UNC13C: variants seen among roughly 807,000 people sequenced by gnomAD.
UNC13C encodes the protein unc-13 homolog C, also known as protein unc-13 homolog C.
Under a neutral mutation model 245.4 loss-of-function variants are expected in UNC13C, and 174 were observed. The ratio of observed to expected loss-of-function variants is 0.71; its 90% CI spans 0.63 to 0.80. The LOEUF (loss-of-function observed/expected upper bound fraction) is 0.80, where lower values mean the gene tolerates loss of function less well. UNC13C is among the 30% of genes least tolerant of loss of function. The probability of loss-of-function intolerance (pLI) is 0.00; values close to 1 mark genes in which losing one functional copy is unlikely to be tolerated. For missense variants in UNC13C, 2,829 were observed against 2,602.9 expected (o/e 1.09, Z -1.89); for synonymous variants, 992 against 895.1 (o/e 1.11, Z -1.93).
At chr15:54,093,646 G>A (rs1012285777) in intron 2 of UNC13C, among the ~76,000 whole-genome samples, 1 of 152,208 alleles carries the variant, frequency 6.6e-6, no homozygotes, top group African/African-American at 2.4e-5. Flanking sequence ...AGAGCCCTTG[G>A]AAAGTCACAT....
rs1304906690 is a variant in UNC13C, at chr15:54,264,368, A to C, written c.3649A>C (p.Lys1217Gln). Reference protein sequence around the residue: ...AKQSVLDGTSKWSAKITITVV... With the variant: ...AKQSVLDGTSQWSAKITITVV... ...ACAGAGTGTACTGGATGGGACATCT[A>C]AGTGGTCTGCAAAAATAACCATTAC... The change falls in exon 9 of 33, where the codon AAG (lysine) becomes CAG (glutamine). Residue 1217 changes from lysine (K) to glutamine (Q), a missense_variant. Coordinates refer to ENST00000260323, the MANE Select transcript of UNC13C (RefSeq NM_001080534.3). 2 of 1,600,986 alleles carry C rather than the reference A, an allele frequency of 1.2e-6. No homozygotes were observed. The highest frequency in any genetic ancestry group is 2.3e-5 in the South Asian group (2 of 88,482).
intron 1 of UNC13C, among the ~76,000 whole-genome samples, chr15:53,996,082 C>T (rs1894619597): frequency 6.6e-6 from 1 of 152,032 alleles, no homozygotes; most frequent in African/African-American, 2.4e-5. Context: ...AAGATGTGAG[C>T]AAAAGGAGAG....
chr15:54,620,653 G>A (rs951797334), intron 30 of UNC13C, among the ~76,000 whole-genome samples: 3 of 151,970 alleles, frequency 2.0e-5, no homozygotes, highest in African/African-American at 4.8e-5. Context: ...AGGCATGGCG[G>A]TCCATACTTC....
intron 19 of UNC13C, among the ~76,000 whole-genome samples, chr15:54,458,034 G>A (rs771568946): frequency 9.3e-5 from 14 of 150,980 alleles, no homozygotes; most frequent in African/African-American, 1.5e-4. Flanking sequence ...AGCTATTAAC[G>A]TTCCTTTAAG....
At chr15:54,235,288 G>A (rs188976422) in intron 5 of UNC13C, among the ~76,000 whole-genome samples, 180 bp downstream of exon 5, 127 of 152,222 alleles carry the variant, frequency 8.3e-4, no homozygotes, top group Non-Finnish European at 1.6e-3. Flanking sequence ...TTAGATGGAG[G>A]AGATAACTCA....
At chr15:54,107,374 C>A (rs1198328184) in intron 2 of UNC13C, among the ~76,000 whole-genome samples, 1 of 152,026 alleles carries the variant, frequency 6.6e-6, no homozygotes, top group Non-Finnish European at 1.5e-5. Context: ...AATTAAAAAG[C>A]ATTTATAAGC....
chr15:54,067,346 C>T (rs1898122454), intron 2 of UNC13C, among the ~76,000 whole-genome samples: 1 of 152,084 alleles, frequency 6.6e-6, no homozygotes, highest in African/African-American at 2.4e-5. Flanking sequence ...CAACACACTC[C>T]ACACCTAATT....
chr15:54,461,667 T>C (rs1891853536), intron 19 of UNC13C, among the ~76,000 whole-genome samples: 1 of 152,144 alleles, frequency 6.6e-6, no homozygotes, highest in Admixed American at 6.5e-5. Flanking sequence ...GACAATTGAG[T>C]CATTGAGTAA....
chr15:53,909,151 T>C, the UNC13C span, among the ~76,000 whole-genome samples: 1 of 146,818 alleles, frequency 6.8e-6, no homozygotes, highest in Non-Finnish European at 1.5e-5. Context: ...AAAGTCCTAC[T>C]CTTCAGAGAA....
chr15:53,856,531 T>C, the UNC13C span, among the ~76,000 whole-genome samples: 2 of 152,216 alleles, frequency 1.3e-5, no homozygotes, highest in Admixed American at 6.5e-5. Context: ...TCTTGATTTC[T>C]GCCTTAATTT....
upstream of UNC13C, among the ~76,000 whole-genome samples, chr15:53,976,477 C>CTCTCTTTTTTTTTTTT (rs1325952003): frequency 1.6e-5 from 1 of 63,024 alleles, no homozygotes. Context: ...CTCTCTCTCT[C>CTCTCTTTTTTTTTTTT]TTTTTTTTTT....
intron 10 of UNC13C, among the ~76,000 whole-genome samples, chr15:54,270,554 C>T (rs1272453203): frequency 1.3e-5 from 2 of 151,926 alleles, no homozygotes; most frequent in South Asian, 2.1e-4. Flanking sequence ...ATGATTATAT[C>T]TTTGTGCTGA....
At chr15:54,443,374 C>A (rs7183647) in intron 19 of UNC13C, among the ~76,000 whole-genome samples, 16 of 151,604 alleles carry the variant, frequency 1.1e-4, no homozygotes, top group African/African-American at 3.9e-4. Context: ...TTCATTGATC[C>A]TTTGTATTTT....
intron 4 of UNC13C, among the ~76,000 whole-genome samples, chr15:54,200,940 A>G (rs926467562): frequency 2.6e-5 from 4 of 152,104 alleles, no homozygotes; most frequent in African/African-American, 4.8e-5. Flanking sequence ...AACCAAGAAA[A>G]GAGAGAAGAT....
intron 14 of UNC13C, among the ~76,000 whole-genome samples, chr15:54,329,335 T>G (rs2448261): frequency 6.6e-6 from 1 of 152,138 alleles, no homozygotes; most frequent in Non-Finnish European, 1.5e-5. Context: ...CCAATTATTG[T>G]TAACTATAGT....
At chr15:54,151,295 T>A (rs971721787) in intron 4 of UNC13C, among the ~76,000 whole-genome samples, 1 of 152,194 alleles carries the variant, frequency 6.6e-6, no homozygotes, top group Non-Finnish European at 1.5e-5. Context: ...CAAATCACAT[T>A]TTTTACTTCC....
intron 6 of UNC13C, among the ~76,000 whole-genome samples, chr15:54,236,771 T>C (rs945878859): frequency 6.6e-6 from 1 of 152,190 alleles, no homozygotes; most frequent in Admixed American, 6.5e-5. Flanking sequence ...CTCAGGTGTA[T>C]GCTGAATTTT....
At chr15:54,589,902 T>C (rs548343289) in intron 30 of UNC13C, among the ~76,000 whole-genome samples, 16 of 152,278 alleles carry the variant, frequency 1.1e-4, no homozygotes, top group Non-Finnish European at 1.8e-4. Context: ...TGTTATCGTC[T>C]AGAATTTTTA....
intron 2 of UNC13C, among the ~76,000 whole-genome samples, chr15:54,102,788 G>C (rs189380418): frequency 6.6e-6 from 1 of 152,250 alleles, no homozygotes; most frequent in Non-Finnish European, 1.5e-5. Flanking sequence ...TGCACCCCAG[G>C]GGTGTTCACC....
Sources: allele counts gnomAD v4.1 joint callset (sites outside exome capture counted in the v4.1 genomes callset), GRCh38; gene constraint gnomAD v4.1.1; transcripts MANE v1.5; gene names NCBI Gene and HGNC (gene_info 2026-07-23, HGNC 2026-07-21).